The following PRPF8 variants were observed in gnomAD, a reference collection of about 807,000 sequenced individuals.
PRPF8 encodes pre-mRNA-processing-splicing factor 8.
PRPF8 carries 64 observed loss-of-function variants against 285.9 expected under a neutral mutation model. That is an observed-to-expected ratio of 0.22 (90% confidence interval 0.18 to 0.28). The LOEUF (loss-of-function observed/expected upper bound fraction) is 0.28, where lower values mean the gene tolerates loss of function less well. Ranked by LOEUF, PRPF8 falls within the 10% of genes least tolerant of loss-of-function variation. The pLI is 1.00. For synonymous variants in PRPF8, 1,325 were observed against 1,118.2 expected (o/e 1.18, Z -3.69); for missense variants, 1,426 against 3,026.7 (o/e 0.47, Z 12.41).
chr17:1,681,915 C>T lies in PRPF8; in HGVS notation c.558G>A (p.Glu186=), dbSNP rs1175123534. The part of the protein sequence containing the change: ...LDYADNILDV[E]PLEAIQLELD... The stretch of plus-strand genomic sequence containing the variant: ...GCTCTAGCTGAATGGCCTCCAGTGG[C>T]TCAACATCTAGGATGTTGTCAGCAT... The change falls in exon 5 of 43, where the codon GAG becomes GAA. Residue 186 remains glutamate (E), a synonymous_variant. Transcript: ENST00000304992. 1.2e-6 allele frequency: 2 copies of T among 1,614,070 alleles called. No individual in the cohort carries two copies. Among genetic ancestry groups the T allele is most frequent in the Non-Finnish European group, 8.5e-7 (1 of 1,180,016 alleles).
Position 1,658,864 on chromosome 17 carries a change from G to T in PRPF8, c.5139-101C>A. On this transcript the variant is annotated intron_variant, in intron 32 of 42. Transcript: ENST00000304992. This position sits in a 1 kb window ranked among gnomAD's most constrained non-coding sequence, Gnocchi z 4.1. ...CAGAGGAAGAAAGACTGTTCGCCAG[G>T]CTGACAACACTCTGCTCATGTGTAC... 1.9e-6 allele frequency: 2 copies of T among 1,027,530 alleles called. No individual in the cohort carries two copies. Among genetic ancestry groups the T allele is most frequent in the Non-Finnish European group, 3.0e-6 (2 of 657,008 alleles). 63.7% of individuals were successfully genotyped at this position (1,027,530 alleles called of 1,614,324 possible).
chr17:1,661,645 C>A lies in PRPF8; in HGVS notation c.4168G>T (p.Ala1390Ser), dbSNP rs1043401. The stretch of plus-strand genomic sequence containing the variant: ...GCAATGGCCTCTTGCCTCTTGAGTG[C>A]GTACTCAGCCCAGACCCGCTGAGAA... ...IDSQRVWAEY[A>S]LKRQEAIAQN... Residue 1390 changes from alanine (A) to serine (S), a missense_variant, in exon 26 of 43, where the codon GCA (alanine) becomes TCA (serine). This residue lies in a region of PRPF8 where 40 missense variants were observed against 121.6 expected (regional missense o/e 0.33). Coordinates refer to ENST00000304992, the MANE Select transcript of PRPF8 (RefSeq NM_006445.4). The surrounding 1 kb of genome is among the most constrained non-coding windows in gnomAD (Gnocchi z 7.3). The A allele has an allele frequency of 6.2e-7, 1 of 1,613,612 alleles. No homozygotes were observed. Among genetic ancestry groups the A allele is most frequent in the Non-Finnish European group, 8.5e-7 (1 of 1,180,050 alleles).
Position 1,658,854 on chromosome 17 carries a change from T to A in PRPF8, c.5139-91A>T. On this transcript the variant is annotated intron_variant, in intron 32 of 42. Transcript: ENST00000304992. This position sits in a 1 kb window ranked among gnomAD's most constrained non-coding sequence, Gnocchi z 4.1. ...GCCAACTCTACAGAGGAAGAAAGACTGTTCGCCAGGCTGACAACACTCTGC... is the reference window on the plus strand; with the variant it reads ...GCCAACTCTACAGAGGAAGAAAGACAGTTCGCCAGGCTGACAACACTCTGC... 1 of 1,134,112 alleles carries A rather than the reference T, an allele frequency of 8.8e-7. No homozygotes were observed. The highest frequency in any genetic ancestry group is 1.3e-6 in the Non-Finnish European group (1 of 748,756). The allele number at this position is 1,134,112 out of a possible 1,614,324, so 70.3% of individuals were successfully genotyped here.
rs767927733 is a variant in PRPF8 at position 1,659,070 on chromosome 17, G to C, written c.5138+287C>G. On this transcript the variant is annotated intron_variant, in intron 32 of 42. Transcript: ENST00000304992. This position sits in a 1 kb window ranked among gnomAD's most constrained non-coding sequence, Gnocchi z 5.1. Reference sequence around the variant, plus strand: ...AGATGGAGTCTCACTCTGTCGCCCAGGCTGGAGTGCAGTGGCGCAATCTCG... The same window carrying C: ...AGATGGAGTCTCACTCTGTCGCCCACGCTGGAGTGCAGTGGCGCAATCTCG... 2 of 574,384 alleles carry C rather than the reference G, an allele frequency of 3.5e-6. No individual in the cohort carries two copies. The highest frequency in any genetic ancestry group is 6.1e-6 in the Non-Finnish European group (2 of 328,708). 35.6% of individuals were successfully genotyped at this position (574,384 alleles called of 1,614,324 possible).
In PRPF8 at chr17:1,659,667, G is replaced by T; in HGVS notation, c.4947-119C>A. Reference sequence around the variant, plus strand: ...CACTCCACCAACTTGTTCCAGGTCAGCAGGACCCCAGAGAATCAGCAGATC... The same window carrying T: ...CACTCCACCAACTTGTTCCAGGTCATCAGGACCCCAGAGAATCAGCAGATC... On this transcript the variant is annotated intron_variant, in intron 31 of 42. Transcript: ENST00000304992. The surrounding 1 kb of genome is among the most constrained non-coding windows in gnomAD (Gnocchi z 5.1). 2 of 1,399,610 alleles carry T rather than the reference G, an allele frequency of 1.4e-6. No individual in the cohort carries two copies. The highest frequency in any genetic ancestry group is 2.0e-6 in the Non-Finnish European group (2 of 1,007,018). 86.7% of individuals were successfully genotyped at this position (1,399,610 alleles called of 1,614,324 possible). A position where few individuals can be genotyped will look rare whatever the true frequency, so the allele number is the denominator to read the frequency against.
At chr17:1,664,826 T>A (rs1383610549) in intron 24 of PRPF8, among the ~76,000 whole-genome samples, 1 of 152,092 alleles carries the variant, frequency 6.6e-6, no homozygotes. Flanking sequence ...TAGAATATAC[T>A]TTTAACTAAA....
At position 1,656,577 on chromosome 17, in the gene PRPF8, T is replaced by G; in HGVS notation, c.5620-12A>C. The G allele has an allele frequency of 6.2e-7, 1 of 1,614,028 alleles. No homozygotes were observed. The highest frequency in any genetic ancestry group is 8.5e-7 in the Non-Finnish European group (1 of 1,180,010). Reference sequence around the variant, plus strand: ...TCCAGTAAGTGCACCTAAGACAAGATCAAGTCCAAGATGAGAAACAGCCTG... The same window carrying G: ...TCCAGTAAGTGCACCTAAGACAAGAGCAAGTCCAAGATGAGAAACAGCCTG... On this transcript the variant is annotated splice_polypyrimidine_tract_variant and intron_variant, in intron 35 of 42. Coordinates refer to ENST00000304992, the MANE Select transcript of PRPF8 (RefSeq NM_006445.4).
intron 28 of PRPF8, 59 bp from the exon 29 acceptor site, chr17:1,660,886 C>T: frequency 6.2e-7 from 1 of 1,612,860 alleles, no homozygotes; most frequent in Non-Finnish European, 8.5e-7. Context: ...ACACTGCTAA[C>T]CTCCTGGAGG....
In PRPF8 at chr17:1,650,675, G is replaced by A. The variant is rs1381937302; in HGVS notation, c.*127C>T. 9.6e-7 allele frequency: 1 copy of A among 1,039,854 alleles called. No individual in the cohort carries two copies. Among genetic ancestry groups the A allele is most frequent in the Admixed American group, 1.9e-5 (1 of 52,998 alleles). 64.4% of individuals were successfully genotyped at this position (1,039,854 alleles called of 1,614,324 possible). A position where few individuals can be genotyped will look rare whatever the true frequency, so the allele number is the denominator to read the frequency against. ...TATTATATTTTATTCAGGATGACAA[G>A]CCATCAGGAGGTCAACAACACAAGC... On this transcript the variant is annotated 3_prime_UTR_variant, in exon 43 of 43. Transcript: ENST00000304992.
rs1912763944 is a variant in PRPF8 at position 1,679,014 on chromosome 17, C to T, written c.1599+3G>A. On this transcript the variant is annotated splice_donor_region_variant and intron_variant, in intron 11 of 42. Transcript: ENST00000304992. The surrounding 1 kb of genome is among the most constrained non-coding windows in gnomAD (Gnocchi z 4.7). ...GGAGGCCCCTAGGGTCCAATGCAGG[C>T]ACCTTGGTGGTGAGCGTTTTCACAG... 1.2e-6 allele frequency: 2 copies of T among 1,614,078 alleles called. No individual in the cohort carries two copies. Among genetic ancestry groups the T allele is most frequent in the East Asian group, 2.2e-5 (1 of 44,890 alleles).
chr17:1,665,092 G>A (rs540280890), intron 24 of PRPF8, among the ~76,000 whole-genome samples: 8 of 149,506 alleles, frequency 5.4e-5, no homozygotes, highest in East Asian at 2.0e-4. Context: ...CAGGGTAGGC[G>A]GAGGTTGCAG....
Position 1,678,515 on chromosome 17 carries a change from C to T in PRPF8, c.1854+3G>A. 2.5e-6 allele frequency: 4 copies of T among 1,614,162 alleles called. No individual in the cohort carries two copies. The highest frequency in any genetic ancestry group is 3.4e-6 in the Non-Finnish European group (4 of 1,180,032). ...AAGAAAGTCAGTAAAGTCAAGGTCTCACCGTGTTGAAACGATAATAGATGA... is the reference window on the plus strand; with the variant it reads ...AAGAAAGTCAGTAAAGTCAAGGTCTTACCGTGTTGAAACGATAATAGATGA... On this transcript the variant is annotated splice_donor_region_variant and intron_variant, in intron 13 of 42. Transcript: ENST00000304992.
chr17:1,672,008 C>A (rs564444991), intron 24 of PRPF8, among the ~76,000 whole-genome samples: 76 of 152,090 alleles, frequency 5.0e-4, no homozygotes, highest in African/African-American at 1.8e-3. Flanking sequence ...GACAGTGAGA[C>A]CCTGTCTCTA....
rs142167390 is a variant in PRPF8, at chr17:1,658,075, C to T, written c.5505+178G>A. ...AGGAAACAGACCAGCTGGAAGGGAA[C>T]GAAGCACCTCATACACTCTTGGACC... On this transcript the variant is annotated intron_variant, in intron 34 of 42. Coordinates refer to ENST00000304992, the MANE Select transcript of PRPF8 (RefSeq NM_006445.4). The surrounding 1 kb of genome is among the most constrained non-coding windows in gnomAD (Gnocchi z 4.1). Among the ~76,000 whole-genome samples the T allele has an allele frequency of 0.012, 1,867 of 151,948 alleles. 15 individuals carry two copies. The highest frequency in any genetic ancestry group is 0.02 in the Non-Finnish European group (1,353 of 67,974).
intron 14 of PRPF8, 82 bp downstream of exon 14, chr17:1,677,483 A>T (rs1912665750): frequency 6.3e-7 from 1 of 1,597,306 alleles, no homozygotes; most frequent in Admixed American, 1.7e-5. Flanking sequence ...GTGCTCATAC[A>T]AGAGCAGGGA....
chr17:1,655,566 G>A, intron 36 of PRPF8, 23 bp from the exon 37 acceptor site: 1 of 1,583,794 alleles, frequency 6.3e-7, no homozygotes, highest in South Asian at 1.1e-5. Context: ...TTGGAAGAGT[G>A]GGGTAGGTCA....
At chr17:1,678,344 G>A (rs772245423) in intron 13 of PRPF8, 174 bp downstream of exon 13, 73 of 759,534 alleles carry the variant, frequency 9.6e-5, no homozygotes, top group African/African-American at 6.5e-4. Flanking sequence ...ATTGCCAGGC[G>A]TGGTGGCGGG....
Position 1,650,730 on chromosome 17 carries a change from G to A in PRPF8, c.*72C>T. The A allele has an allele frequency of 6.3e-7, 1 of 1,578,550 alleles. No homozygotes were observed. Among genetic ancestry groups the A allele is most frequent in the Non-Finnish European group, 8.7e-7 (1 of 1,149,536 alleles). ...ACAGAGGGAAAGAGGCCAAACTGCT[G>A]AATGTCAGCGGCCTGTCTGGAGGGG... On this transcript the variant is annotated 3_prime_UTR_variant, in exon 43 of 43. Coordinates refer to ENST00000304992, the MANE Select transcript of PRPF8 (RefSeq NM_006445.4).
intron 24 of PRPF8, among the ~76,000 whole-genome samples, chr17:1,663,964 A>C (rs1265498436): frequency 6.6e-6 from 1 of 152,180 alleles, no homozygotes; most frequent in Non-Finnish European, 1.5e-5. Context: ...TCCTAAATAC[A>C]TTATGTAACT....
Sources: gnomAD v4.1 joint callset for allele counts (sites outside exome capture counted in the v4.1 genomes callset) on GRCh38, gnomAD v4.1.1 for gene constraint, gnomAD v4.1.1 regional missense constraint, Gnocchi (gnomAD v3.1) non-coding constraint, MANE v1.5 for transcripts, NCBI Gene and HGNC (gene_info 2026-07-23, HGNC 2026-07-21) for gene names.